The following ZNF207 variants were observed in gnomAD, a reference collection of about 807,000 sequenced individuals.
ZNF207 encodes BUB3-interacting and GLEBS motif-containing protein ZNF207.
A neutral mutation model predicts 60.2 loss-of-function variants in ZNF207; 24 were observed. The observed-to-expected ratio is 0.40, with a 90% CI of 0.29 to 0.56. The LOEUF (loss-of-function observed/expected upper bound fraction) is 0.56. Ranked by LOEUF, ZNF207 falls within the 20% of genes least tolerant of loss-of-function variation. ZNF207 has a pLI of 0.49. For synonymous variants in ZNF207, 236 were observed against 194.7 expected, an observed-to-expected ratio of 1.21 and a Z score of -1.77; for missense variants, 452 against 636.6, an observed-to-expected ratio of 0.71 and a Z score of 3.12.
chr17:32,368,230 C>T, intron 10 of ZNF207: 2 of 602,750 alleles, frequency 3.3e-6, no homozygotes, highest in Non-Finnish European at 5.6e-6. Flanking sequence ...CTCTCCCCTT[C>T]CTCCAGACTG....
intron 3 of ZNF207, among the ~76,000 whole-genome samples, chr17:32,359,147 CTG>C (rs1351192314): frequency 6.6e-6 from 1 of 151,460 alleles, no homozygotes; most frequent in Non-Finnish European, 1.5e-5. Context: ...GAGTCTCACT[CTG>C]TTGCCCAGGC....
rs1905440822 is a variant in ZNF207 at position 32,370,993 on chromosome 17, C to T, written c.*1234C>T. Reference sequence around the variant, plus strand: ...ATTAAGCCTAGGTAGCCTTACTGTGCAACTTTTTATTTATCCTTGGAAATT... The same window carrying T: ...ATTAAGCCTAGGTAGCCTTACTGTGTAACTTTTTATTTATCCTTGGAAATT... On this transcript the variant is annotated 3_prime_UTR_variant, in exon 12 of 12. Coordinates refer to ENST00000394670, the MANE Select transcript of ZNF207 (RefSeq NM_001098507.2). 6.6e-6 allele frequency: 1 copy of T among 152,138 alleles called. No homozygotes were observed. Among genetic ancestry groups the T allele is most frequent in the Non-Finnish European group, 1.5e-5 (1 of 68,030 alleles). The allele number at this position is 152,138 out of a possible 1,614,324, so 9.4% of individuals were successfully genotyped here.
At position 32,373,663 on chromosome 17, in the gene ZNF207, T is replaced by C; in HGVS notation, c.*3904T>C. On this transcript the variant is annotated 3_prime_UTR_variant, in exon 12 of 12. Transcript: ENST00000394670. ...AACATAAGTATTTCATATGCAATTT[T>C]ATGTAATTTGCTGTGTGTTACATAA... is the stretch of plus-strand genomic sequence containing the variant. The C allele has an allele frequency of 2.7e-6, 1 of 371,206 alleles. No individual in the cohort carries two copies. The allele number at this position is 371,206 out of a possible 1,614,324, so 23.0% of individuals were successfully genotyped here.
chr17:32,365,032 T>C (rs187958557), intron 7 of ZNF207, among the ~76,000 whole-genome samples: 1 of 152,244 alleles, frequency 6.6e-6, no homozygotes, highest in East Asian at 1.9e-4. Context: ...CTGATTGAAA[T>C]AATTCTTTTA....
At position 32,373,142 on chromosome 17, in the gene ZNF207, T is replaced by C. The variant is rs965577317; in HGVS notation, c.*3383T>C. 3 of 359,872 alleles carry C rather than the reference T, an allele frequency of 8.3e-6. No individual in the cohort carries two copies. Among genetic ancestry groups the C allele is most frequent in the African/African-American group, 6.2e-5 (3 of 48,538 alleles). The allele number at this position is 359,872 out of a possible 1,614,324, so 22.3% of individuals were successfully genotyped here. A position where few individuals can be genotyped will look rare whatever the true frequency, so the allele number is the denominator to read the frequency against. ...CCATTAGGTATGAATAAAATATTCC[T>C]ACTGTACTCCTATTCCACTAAGTTA... is the stretch of plus-strand genomic sequence containing the variant. On this transcript the variant is annotated 3_prime_UTR_variant, in exon 12 of 12. Transcript: ENST00000394670.
chr17:32,363,693 G>A (rs1418389906), intron 7 of ZNF207, among the ~76,000 whole-genome samples: 1 of 151,674 alleles, frequency 6.6e-6, no homozygotes, highest in Non-Finnish European at 1.5e-5. Context: ...TACCACGCCT[G>A]GCTCATTTTT....
Position 32,378,631 on chromosome 17 carries a change from TTATG to T in ZNF207, c.*8875_*8878del, listed in dbSNP as rs1158185281. ...TCATCAAGAAATGTAGCTAGATTCTTTATGTAACACTTTTGAGGGGCAGTGGGGA... is the reference window on the plus strand; with the variant it reads ...TCATCAAGAAATGTAGCTAGATTCTTTAACACTTTTGAGGGGCAGTGGGGA... On this transcript the variant is annotated 3_prime_UTR_variant, in exon 12 of 12. Transcript: ENST00000394670. 3.3e-5 allele frequency: 5 copies of T among 152,192 alleles called. No homozygotes were observed. Among genetic ancestry groups the T allele is most frequent in the South Asian group, 4.1e-4 (2 of 4,830 alleles). The allele number at this position is 152,192 out of a possible 1,614,324, so 9.4% of individuals were successfully genotyped here. A position where few individuals can be genotyped will look rare whatever the true frequency, so the allele number is the denominator to read the frequency against.
In ZNF207 at chr17:32,376,730, A is replaced by G. The variant is rs1464711178; in HGVS notation, c.*6971A>G. ...GGTTAGGTTCTTTAAGAGGCATACA[A>G]TCCGTTATGAGAATGTTTATGTTTA... On this transcript the variant is annotated 3_prime_UTR_variant, in exon 12 of 12. Transcript: ENST00000394670. 1.3e-5 allele frequency: 2 copies of G among 152,092 alleles called. No homozygotes were observed. The highest frequency in any genetic ancestry group is 4.8e-5 in the African/African-American group (2 of 41,454). 9.4% of individuals were successfully genotyped at this position (152,092 alleles called of 1,614,324 possible).
Position 32,376,629 on chromosome 17 carries a change from A to ATT in ZNF207, c.*6872_*6873dup, listed in dbSNP as rs1209897638. 6.6e-6 allele frequency: 1 copy of ATT among 152,056 alleles called. No homozygotes were observed. The allele number at this position is 152,056 out of a possible 1,614,324, so 9.4% of individuals were successfully genotyped here. ...ACAAGGTAGGTCTTCGCTGAAACTA[A>ATT]TTTGAACTATTCCTATTTGAAGCAA... On this transcript the variant is annotated 3_prime_UTR_variant, in exon 12 of 12. Transcript: ENST00000394670.
intron 9 of ZNF207, among the ~76,000 whole-genome samples, chr17:32,367,239 TTATATATATATATATATATATATA>T (rs10525886): frequency 0.12 from 3,895 of 32,230 alleles, 333 homozygotes; most frequent in African/African-American, 0.29. Flanking sequence ...TTGGAGGGGA[TTATATATATATATATATATATATA>T]TATATATATA....
intron 3 of ZNF207, among the ~76,000 whole-genome samples, chr17:32,359,485 C>A (rs767007402): frequency 2.0e-5 from 3 of 152,080 alleles, no homozygotes; most frequent in Non-Finnish European, 4.4e-5. Context: ...TGACCTCAAG[C>A]AATCTACCTG....
chr17:32,355,686 C>G (rs1283985142), intron 2 of ZNF207, among the ~76,000 whole-genome samples: 1 of 152,184 alleles, frequency 6.6e-6, no homozygotes, highest in South Asian at 2.1e-4. Context: ...GCTCTCTGCT[C>G]TAGGCCACTT....
At chr17:32,350,634 C>T (rs749931377) in intron 1 of ZNF207, among the ~76,000 whole-genome samples, 6 of 152,148 alleles carry the variant, frequency 3.9e-5, no homozygotes, top group Non-Finnish European at 8.8e-5. Context: ...GACTATTCAG[C>T]CACCTTCCGT....
chr17:32,357,340 TTATTATTATTA>T (rs1186819975), intron 2 of ZNF207, among the ~76,000 whole-genome samples: 3,686 of 91,502 alleles, frequency 0.04, 152 homozygotes, highest in African/African-American at 0.095. Flanking sequence ...ATTATTATTA[TTATTATTATTA>T]TTTTTTTTTT....
Position 32,373,389 on chromosome 17 carries a change from C to T in ZNF207, c.*3630C>T, listed in dbSNP as rs1411834119. On this transcript the variant is annotated 3_prime_UTR_variant, in exon 12 of 12. Coordinates refer to ENST00000394670, the MANE Select transcript of ZNF207 (RefSeq NM_001098507.2). ...GTTTTTCTAAAATTAAAATTTTCTT[C>T]TTCCTATAGCCCTGCCATAGGACAG... is the stretch of plus-strand genomic sequence containing the variant. 7.3e-6 allele frequency: 5 copies of T among 682,602 alleles called. No individual in the cohort carries two copies. The highest frequency in any genetic ancestry group is 1.8e-5 in the African/African-American group (1 of 55,984). 42.3% of individuals were successfully genotyped at this position (682,602 alleles called of 1,614,324 possible).
rs2150807962 is a variant in ZNF207 at position 32,376,956 on chromosome 17, T to A, written c.*7197T>A. 1 of 152,162 alleles carries A rather than the reference T, an allele frequency of 6.6e-6. No homozygotes were observed. The highest frequency in any genetic ancestry group is 2.1e-4 in the South Asian group (1 of 4,828). 9.4% of individuals were successfully genotyped at this position (152,162 alleles called of 1,614,324 possible). A position where few individuals can be genotyped will look rare whatever the true frequency, so the allele number is the denominator to read the frequency against. Reference sequence around the variant, plus strand: ...TGGCATTTTCTAAGCCCTCTGACATTGTTAGTGTCTGGGTTGGTTGGTTTG... The same window carrying A: ...TGGCATTTTCTAAGCCCTCTGACATAGTTAGTGTCTGGGTTGGTTGGTTTG... On this transcript the variant is annotated 3_prime_UTR_variant, in exon 12 of 12. Coordinates refer to ENST00000394670, the MANE Select transcript of ZNF207 (RefSeq NM_001098507.2).
At chr17:32,359,083 G>A (rs1053972302) in intron 3 of ZNF207, among the ~76,000 whole-genome samples, 2 of 151,250 alleles carry the variant, frequency 1.3e-5, no homozygotes, top group African/African-American at 2.4e-5. Context: ...GATTACAGGC[G>A]CAAGCCACCA....
rs1317052508 is a variant in ZNF207, at chr17:32,350,171, G to C, written c.-115G>C. On this transcript the variant is annotated 5_prime_UTR_variant, in exon 1 of 12. Transcript: ENST00000394670. The stretch of plus-strand genomic sequence containing the variant: ...GGAACGAGGCCGTCGGCCATTTTGT[G>C]TCTGCTTCCTGTGGGACGTGGTGGT... 6.5e-6 allele frequency: 10 copies of C among 1,531,064 alleles called. No individual in the cohort carries two copies. The South Asian group carries it at 1.1e-4, about 17-fold the overall frequency. 94.8% of individuals were successfully genotyped at this position (1,531,064 alleles called of 1,614,324 possible).
rs2150802546 is a variant in ZNF207, at chr17:32,367,797, T to G, written c.947T>G (p.Val316Gly). 1 of 1,614,170 alleles carries G rather than the reference T, an allele frequency of 6.2e-7. No individual in the cohort carries two copies. Among genetic ancestry groups the G allele is most frequent in the Non-Finnish European group, 8.5e-7 (1 of 1,180,038 alleles). ...GCTCAGGCAGCTGTCCAAGGACCTGTTGGTACAGATTTCAAACCCTTAAAT... is the reference window on the plus strand; with the variant it reads ...GCTCAGGCAGCTGTCCAAGGACCTGGTGGTACAGATTTCAAACCCTTAAAT... ...AQAQAAVQGPVGTDFKPLNST... is the reference protein window; with the variant it reads ...AQAQAAVQGPGGTDFKPLNST... Residue 316 changes from valine (V) to glycine (G), a missense_variant, in exon 10 of 12, where the codon GTT (valine) becomes GGT (glycine). Physicochemically the swap from Val to Gly is moderately radical, Grantham distance 109 (BLOSUM62 -3). Around this residue, in one of 2 missense-constraint regions of ZNF207, gnomAD observed 390 missense variants for 461.4 expected, o/e 0.85. Coordinates refer to ENST00000394670, the MANE Select transcript of ZNF207 (RefSeq NM_001098507.2).
Sources: allele counts gnomAD v4.1 joint callset (sites outside exome capture counted in the v4.1 genomes callset), GRCh38; gene constraint gnomAD v4.1.1; regional missense constraint gnomAD v4.1.1; transcripts MANE v1.5; gene names NCBI Gene and HGNC (gene_info 2026-07-23, HGNC 2026-07-21).